The following CPSF7 variants were observed in gnomAD, a reference collection of about 807,000 sequenced individuals.
CPSF7 encodes the protein cleavage and polyadenylation specific factor 7.
A neutral mutation model predicts 44.3 loss-of-function variants in CPSF7; 1 was observed. The ratio of observed to expected loss-of-function variants is 0.02; its 90% CI spans 0.01 to 0.11. The LOEUF (loss-of-function observed/expected upper bound fraction) is 0.11. Ranked by LOEUF, CPSF7 falls within the 10% of genes least tolerant of loss-of-function variation. The pLI, the probability that CPSF7 is intolerant of heterozygous loss-of-function variation, is 1.00. For missense variants in CPSF7, 443 were observed against 607.2 expected (o/e 0.73, Z 2.84); for synonymous variants, 202 against 222.0 (o/e 0.91, Z 0.80).
At chr11:61,414,158 T>G (rs559080041) in intron 7 of CPSF7, among the ~76,000 whole-genome samples, 2 of 149,294 alleles carry the variant, frequency 1.3e-5, no homozygotes, top group African/African-American at 5.0e-5. Flanking sequence ...ATTTTTTTTT[T>G]TTTTTTTTTG....
chr11:61,406,564 C>A (rs899434450), intron 9 of CPSF7, among the ~76,000 whole-genome samples: 1 of 152,074 alleles, frequency 6.6e-6, no homozygotes, highest in East Asian at 1.9e-4. Context: ...CTATATCAAA[C>A]GGGTGACCAG....
intron 6 of CPSF7, 81 bp from the exon 7 acceptor site, chr11:61,415,865 G>A (rs1201976000): frequency 3.7e-6 from 4 of 1,077,710 alleles, no homozygotes; most frequent in Non-Finnish European, 5.7e-6. Flanking sequence ...GGTAATTTTG[G>A]CATAACACAG....
chr11:61,420,255 A>AT (rs1185176886), intron 4 of CPSF7, among the ~76,000 whole-genome samples, 161 bp from the exon 5 acceptor site: 1 of 152,204 alleles, frequency 6.6e-6, no homozygotes, highest in Non-Finnish European at 1.5e-5. Flanking sequence ...CTAAATCTTT[A>AT]TTTTTTTGGA....
chr11:61,406,305 C>T (rs895975506), intron 9 of CPSF7: 3 of 152,190 alleles, frequency 2.0e-5, no homozygotes, highest in African/African-American at 7.2e-5. Context: ...CTATTGCTGC[C>T]TCTGGACAAA....
In CPSF7 at chr11:61,416,244, G is replaced by C; in HGVS notation, c.799C>G (p.His267Asp). Residue 267 changes from histidine (H) to aspartate (D), a missense_variant, in exon 6 of 10, where the codon CAT (histidine) becomes GAT (aspartate). Coordinates refer to ENST00000439958, the MANE Select transcript of CPSF7 (RefSeq NM_001142565.3). ...GCCCCAGGGGGAGGTACAGCAAGAT[G>C]AGGAGGTAATCGAGGAGGTGGGGGC... ...LMPPPPRLPP[H>D]LAVPPPGAIP... The C allele has an allele frequency of 6.5e-7, 1 of 1,535,294 alleles. No homozygotes were observed. The highest frequency in any genetic ancestry group is 1.3e-5 in the South Asian group (1 of 77,978).
At chr11:61,429,736 C>T (rs1427717071) in intron 1 of CPSF7, 178 bp downstream of exon 1, 1 of 1,543,610 alleles carries the variant, frequency 6.5e-7, no homozygotes, top group Admixed American at 2.0e-5. Flanking sequence ...GCTAGGCCCG[C>T]CCCGCTCCCT....
chr11:61,416,415 G>A lies in CPSF7; in HGVS notation c.628C>T (p.Pro210Ser). 1 of 1,613,984 alleles carries A rather than the reference G, an allele frequency of 6.2e-7. No homozygotes were observed. Among genetic ancestry groups the A allele is most frequent in the Non-Finnish European group, 8.5e-7 (1 of 1,179,930 alleles). Residue 210 changes from proline (P) to serine (S), a missense_variant, in exon 6 of 10, where the codon CCC (proline) becomes TCC (serine). By Grantham distance (74) the Pro-to-Ser change is moderately conservative. Transcript: ENST00000439958. ...VPSSARVDKPPSVLPYFNRPP... is the reference protein window; with the variant it reads ...VPSSARVDKPSSVLPYFNRPP... ...CGATTGAAGTAGGGCAGCACACTGG[G>A]GGGCTTATCCACACGAGCAGATGAG...
chr11:61,421,197 C>A, intron 3 of CPSF7, 193 bp downstream of exon 3: 1 of 1,144,492 alleles, frequency 8.7e-7, no homozygotes, highest in Non-Finnish European at 1.3e-6. Flanking sequence ...CCCACTTAAT[C>A]ATTGCTTTCT....
chr11:61,411,684 T>G, intron 8 of CPSF7, 85 bp downstream of exon 8: 1 of 1,284,154 alleles, frequency 7.8e-7, no homozygotes, highest in Non-Finnish European at 1.1e-6. Flanking sequence ...TTTCCCAGAT[T>G]CCCTGGGCTC....
intron 9 of CPSF7, 157 bp downstream of exon 9, chr11:61,410,781 T>C (rs886951062): frequency 4.3e-6 from 3 of 693,248 alleles, no homozygotes; most frequent in African/African-American, 3.6e-5. Flanking sequence ...TCCCCATAAA[T>C]GTGCAGAAAA....
At chr11:61,427,072 T>C (rs1861438974) in intron 2 of CPSF7, 1 of 127,018 alleles carries the variant, frequency 7.9e-6, no homozygotes, top group African/African-American at 2.9e-5. Context: ...TAAGGACCGC[T>C]CTTGTTATCT....
intron 9 of CPSF7, among the ~76,000 whole-genome samples, chr11:61,408,928 C>G (rs1446223114): frequency 6.6e-6 from 1 of 152,204 alleles, no homozygotes; most frequent in African/African-American, 2.4e-5. Flanking sequence ...CATAATCCCA[C>G]AGCACATTGG....
chr11:61,426,575 A>C (rs1030712293), intron 2 of CPSF7: 2 of 152,256 alleles, frequency 1.3e-5, no homozygotes, highest in African/African-American at 4.8e-5. Context: ...AGTCCTTTTT[A>C]ACTGAGGAGA....
At chr11:61,427,838 T>C (rs1338944084) in intron 2 of CPSF7, among the ~76,000 whole-genome samples, 1 of 152,218 alleles carries the variant, frequency 6.6e-6, no homozygotes, top group Admixed American at 6.5e-5. Context: ...ATAATTTCCA[T>C]GTTATAAAAC....
chr11:61,422,004 C>T (rs968946040), intron 2 of CPSF7, among the ~76,000 whole-genome samples: 5 of 152,158 alleles, frequency 3.3e-5, no homozygotes, highest in Non-Finnish European at 5.9e-5. Context: ...ATGCTATTTC[C>T]AAAATCAAGT....
chr11:61,429,652 T>C (rs2135431027), intron 1 of CPSF7: 1 of 1,319,234 alleles, frequency 7.6e-7, no homozygotes, highest in Non-Finnish European at 1.0e-6. Flanking sequence ...CCAAGGCGGC[T>C]CCGGCCAGAG....
intron 2 of CPSF7, among the ~76,000 whole-genome samples, chr11:61,425,538 CAT>C (rs931182061): frequency 8.5e-5 from 13 of 152,150 alleles, no homozygotes; most frequent in Non-Finnish European, 1.3e-4. Context: ...CAAAAGAGAA[CAT>C]GTGTGATTTT....
At chr11:61,420,816 C>T (rs915857831) in intron 3 of CPSF7, 8 of 553,670 alleles carry the variant, frequency 1.4e-5, no homozygotes, top group Non-Finnish European at 2.6e-5. Context: ...CTTTGACTGC[C>T]GTTTGGGCTG....
intron 1 of CPSF7, 90 bp from the exon 2 acceptor site, chr11:61,429,380 G>C: frequency 2.6e-6 from 2 of 766,512 alleles, no homozygotes; most frequent in Non-Finnish European, 4.5e-6. Context: ...CATCTCCAGA[G>C]ACGCAGCATC....
Sources: gnomAD v4.1 joint callset for allele counts (sites outside exome capture counted in the v4.1 genomes callset) on GRCh38, gnomAD v4.1.1 for gene constraint, MANE v1.5 for transcripts, NCBI Gene and HGNC (gene_info 2026-07-23, HGNC 2026-07-21) for gene names.